Variants in PREX1 observed in about 807,000 individuals in gnomAD.
PREX1 encodes the protein phosphatidylinositol-3,4,5-trisphosphate dependent Rac exchange factor 1, also known as phosphatidylinositol 3,4,5-trisphosphate-dependent Rac exchanger 1 protein.
A neutral mutation model predicts 198.3 loss-of-function variants in PREX1; 41 were observed. The ratio of observed to expected loss-of-function variants is 0.21; its 90% CI spans 0.16 to 0.27. PREX1 has a LOEUF of 0.27. Among genes scored for constraint, PREX1 ranks in the 10% least tolerant of loss-of-function variants. The probability of loss-of-function intolerance (pLI) is 1.00; values close to 1 mark genes in which losing one functional copy is unlikely to be tolerated. For synonymous variants in PREX1, 843 were observed against 887.2 expected, an observed-to-expected ratio of 0.95 and a Z score of 0.89; for missense variants, 1,620 against 2,200.7, an observed-to-expected ratio of 0.74 and a Z score of 5.28.
Position 48,625,827 on chromosome 20 carries a change from T to A in PREX1, c.*58A>T. ...CCTGGAGAAGGCCAGCGCTGCCTGCTGTGTCCTCCCAAATCCCAGCTCCAG... is the reference window on the plus strand; with the variant it reads ...CCTGGAGAAGGCCAGCGCTGCCTGCAGTGTCCTCCCAAATCCCAGCTCCAG... On this transcript the variant is annotated 3_prime_UTR_variant, in exon 40 of 40. Coordinates refer to ENST00000371941, the MANE Select transcript of PREX1 (RefSeq NM_020820.4). 1 of 1,501,036 alleles carries A rather than the reference T, an allele frequency of 6.7e-7. No homozygotes were observed. The allele number at this position is 1,501,036 out of a possible 1,614,324, so 93.0% of individuals were successfully genotyped here. A position where few individuals can be genotyped will look rare whatever the true frequency, so the allele number is the denominator to read the frequency against.
At chr20:48,714,500 T>C (rs546723984) in intron 5 of PREX1, among the ~76,000 whole-genome samples, 2 of 152,238 alleles carry the variant, frequency 1.3e-5, no homozygotes, top group East Asian at 3.9e-4. Context: ...AAATGTCCAA[T>C]AAGCAGATGA....
Position 48,625,646 on chromosome 20 carries a change from C to G in PREX1, c.*239G>C, listed in dbSNP as rs111757140. ...ATCAGCTCTATGGGTCTCCAGCACC[C>G]CTCCAGCTTCTGGCAGGCGTGTGAA... is the stretch of plus-strand genomic sequence containing the variant. On this transcript the variant is annotated 3_prime_UTR_variant, in exon 40 of 40. Transcript: ENST00000371941. The G allele has an allele frequency of 1.9e-5, 10 of 518,034 alleles. No individual in the cohort carries two copies. The highest frequency in any genetic ancestry group is 1.4e-4 in the African/African-American group (7 of 49,234). The allele number at this position is 518,034 out of a possible 1,614,324, so 32.1% of individuals were successfully genotyped here. A position where few individuals can be genotyped will look rare whatever the true frequency, so the allele number is the denominator to read the frequency against.
rs952510744 is a variant in PREX1 at position 48,666,098 on chromosome 20, A to G, written c.1738+185T>C. ...TTCCAGCCATTTTGGTCCCCAGTGG[A>G]CACCAGAAGCCATTTCTCGATCGGT... is the stretch of plus-strand genomic sequence containing the variant. On this transcript the variant is annotated intron_variant, in intron 15 of 39. Transcript: ENST00000371941. The surrounding 1 kb of genome is among the most constrained non-coding windows in gnomAD (Gnocchi z 4.3). 2.6e-5 allele frequency among the ~76,000 whole-genome samples: 4 copies of G among 152,200 alleles called. No individual in the cohort carries two copies. The highest frequency in any genetic ancestry group is 5.9e-5 in the Non-Finnish European group (4 of 68,034).
chr20:48,655,127 C>T (rs976430213), intron 19 of PREX1, among the ~76,000 whole-genome samples, 163 bp downstream of exon 19: 6 of 152,208 alleles, frequency 3.9e-5, no homozygotes, highest in African/African-American at 1.4e-4. Context: ...CTGACCCCAA[C>T]AGGCATTTGT....
intron 5 of PREX1, among the ~76,000 whole-genome samples, chr20:48,716,327 A>G (rs7269415): frequency 0.016 from 2,441 of 152,282 alleles, 75 homozygotes; most frequent in African/African-American, 0.056. Context: ...ATTTACTCAA[A>G]GGATGTCCAA....
chr20:48,695,077 T>C (rs2089838456), intron 7 of PREX1, among the ~76,000 whole-genome samples: 1 of 152,224 alleles, frequency 6.6e-6, no homozygotes, highest in African/African-American at 2.4e-5. Context: ...GAAGCATTAA[T>C]ATGGCTCAAT....
intron 15 of PREX1, among the ~76,000 whole-genome samples, chr20:48,661,784 C>T (rs1195827945): frequency 2.0e-5 from 3 of 151,900 alleles, no homozygotes; most frequent in South Asian, 2.1e-4. Context: ...CCCTAGGTCA[C>T]ACAGCCAGCA....
At position 48,726,371 on chromosome 20, in the gene PREX1, G is replaced by A. The variant is rs2090010094; in HGVS notation, c.540C>T (p.Gly180=). 2.5e-6 allele frequency: 4 copies of A among 1,613,340 alleles called. No homozygotes were observed. Among genetic ancestry groups the A allele is most frequent in the Non-Finnish European group, 2.5e-6 (3 of 1,179,702 alleles). Residue 180 remains glycine (G), a synonymous_variant, in exon 5 of 40, where the codon GGC becomes GGT. Transcript: ENST00000371941. ...CCAAAGGGATGTCCGTGGTCTTCCG[G>A]CCTCCCAGAAGCATGCAGCTCTGCA... is the stretch of plus-strand genomic sequence containing the variant. ...AFLLSCMLLG[G]RKTTDIPLEG...
At chr20:48,798,605 C>T (rs890246977) in intron 1 of PREX1, among the ~76,000 whole-genome samples, 1 of 152,200 alleles carries the variant, frequency 6.6e-6, no homozygotes, top group African/African-American at 2.4e-5. Context: ...CCAGCCCATG[C>T]GCTTGCAAAC....
chr20:48,706,099 C>A (rs6019384), intron 6 of PREX1, among the ~76,000 whole-genome samples: 50,731 of 152,152 alleles, frequency 0.33, 12,143 homozygotes, highest in African/African-American at 0.68. Context: ...TTGCATCCAG[C>A]AACACTGGCC....
intron 1 of PREX1, among the ~76,000 whole-genome samples, chr20:48,781,418 C>A (rs1000669259): frequency 5.9e-5 from 9 of 152,142 alleles, no homozygotes; most frequent in Admixed American, 4.6e-4. Flanking sequence ...TCTTAAAGCC[C>A]TGTGCTGACC....
chr20:48,834,128 T>G, the PREX1 span, among the ~76,000 whole-genome samples: 2 of 151,160 alleles, frequency 1.3e-5, no homozygotes, highest in African/African-American at 4.9e-5. Context: ...AGGGTGCTGG[T>G]CTTCACCCTA....
chr20:48,827,934 C>T lies in PREX1; in HGVS notation c.-74G>A, dbSNP rs1332825927. 3.6e-6 allele frequency: 2 copies of T among 560,644 alleles called. No individual in the cohort carries two copies. The highest frequency in any genetic ancestry group is 7.6e-5 in the South Asian group (1 of 13,214). The allele number at this position is 560,644 out of a possible 1,614,324, so 34.7% of individuals were successfully genotyped here. A position where few individuals can be genotyped will look rare whatever the true frequency, so the allele number is the denominator to read the frequency against. ...ACTCAGGCGTCCAGGCGCCCCATCC[C>T]GGACGGGGCGCGCCGGCGGGCCGGG... On this transcript the variant is annotated 5_prime_UTR_variant, in exon 1 of 40. Coordinates refer to ENST00000371941, the MANE Select transcript of PREX1 (RefSeq NM_020820.4). The surrounding 1 kb of genome is among the most constrained non-coding windows in gnomAD (Gnocchi z 4.1).
the PREX1 span, among the ~76,000 whole-genome samples, chr20:48,872,752 CAAATAAAT>C: frequency 1.3e-5 from 2 of 151,846 alleles, no homozygotes; most frequent in African/African-American, 2.4e-5. Flanking sequence ...TCTCAATAAA[CAAATAAAT>C]AAATAAATAA....
Position 48,810,073 on chromosome 20 carries a change from C to T in PREX1, c.219+17569G>A, listed in dbSNP as rs547875704. Among the ~76,000 whole-genome samples the T allele has an allele frequency of 5.3e-5, 8 of 152,286 alleles. No individual in the cohort carries two copies. In the South Asian group the frequency reaches 1.5e-3, roughly 28 times the overall value. On this transcript the variant is annotated intron_variant, in intron 1 of 39. Coordinates refer to ENST00000371941, the MANE Select transcript of PREX1 (RefSeq NM_020820.4). The stretch of plus-strand genomic sequence containing the variant: ...GGCAGGTAACAGGGAATGCTGTGCG[C>T]GGCTCCTTAGTAAAAGCAATGACTA...
intron 6 of PREX1, among the ~76,000 whole-genome samples, chr20:48,707,364 A>G (rs2089908402): frequency 6.6e-6 from 1 of 152,130 alleles, no homozygotes; most frequent in Non-Finnish European, 1.5e-5. Flanking sequence ...AAGTGGATTG[A>G]CCAATCCACA....
chr20:48,682,807 C>T (rs759202226), intron 10 of PREX1, among the ~76,000 whole-genome samples: 3 of 152,124 alleles, frequency 2.0e-5, no homozygotes, highest in Non-Finnish European at 4.4e-5. Flanking sequence ...CTGTTTCCGC[C>T]GAGGCAATCT....
At chr20:48,744,315 C>G (rs970019073) in intron 3 of PREX1, among the ~76,000 whole-genome samples, 1 of 152,092 alleles carries the variant, frequency 6.6e-6, no homozygotes, top group Non-Finnish European at 1.5e-5. Context: ...TGAGTCTGGC[C>G]ATCAACCTTA....
At position 48,670,984 on chromosome 20, in the gene PREX1, GA is replaced by G. The variant is rs1243528505; in HGVS notation, c.1666-4630del. Among the ~76,000 whole-genome samples the G allele has an allele frequency of 2.0e-5, 3 of 152,342 alleles. No homozygotes were observed. In the East Asian group the frequency reaches 5.8e-4, roughly 29 times the overall value. On this transcript the variant is annotated intron_variant, in intron 14 of 39. Transcript: ENST00000371941. ...TAATGCACCAAGCCGTTCCGGAGCT[GA>G]CAGAGAGTGCAAGTTGTCTCTCCAA...
Sources: allele counts gnomAD v4.1 joint callset (sites outside exome capture counted in the v4.1 genomes callset), GRCh38; gene constraint gnomAD v4.1.1; non-coding constraint Gnocchi (gnomAD v3.1); transcripts MANE v1.5; gene names NCBI Gene and HGNC (gene_info 2026-07-23, HGNC 2026-07-21).